Variants in NAA25 observed in about 807,000 individuals in gnomAD.
NAA25 encodes N-alpha-acetyltransferase 25, NatB auxiliary subunit, also known as N-terminal acetyltransferase B complex subunit NAA25.
A neutral mutation model predicts 132.5 loss-of-function variants in NAA25; 30 were observed. The observed-to-expected ratio is 0.23, with a 90% CI of 0.17 to 0.31. The LOEUF (loss-of-function observed/expected upper bound fraction) is 0.31. Among genes scored for constraint, NAA25 ranks in the 10% least tolerant of loss-of-function variants. The probability of loss-of-function intolerance (pLI) is 1.00; values close to 1 mark genes in which losing one functional copy is unlikely to be tolerated. For synonymous variants in NAA25, 359 were observed against 401.9 expected (o/e 0.89, Z 1.28); for missense variants, 771 against 1,150.4 (o/e 0.67, Z 4.77).
chr12:112,033,744 A>G (rs1464770921), intron 22 of NAA25: 2 of 154,750 alleles, frequency 1.3e-5, no homozygotes, highest in African/African-American at 4.8e-5. Context: ...ATATTACTAC[A>G]TTGACAAAAA....
intron 7 of NAA25, among the ~76,000 whole-genome samples, chr12:112,077,735 C>T (rs963875844): frequency 6.6e-6 from 1 of 151,912 alleles, no homozygotes; most frequent in African/African-American, 2.4e-5. Flanking sequence ...GGAATGTTTG[C>T]GGTATCTACA....
At position 112,040,565 on chromosome 12, in the gene NAA25, T is replaced by C; in HGVS notation, c.2454A>G (p.Lys818=). 1.3e-6 allele frequency: 2 copies of C among 1,588,934 alleles called. No homozygotes were observed. Among genetic ancestry groups the C allele is most frequent in the South Asian group, 1.1e-5 (1 of 88,326 alleles). Residue 818 remains lysine, a synonymous_variant, in exon 21 of 24, where the codon AAA becomes AAG. Transcript: ENST00000261745. The part of the protein sequence containing the change: ...LLDQLKDVFS[K]CKGDLLEVKD... ...TAACTTCTAAGAGGTCACCTTTACATTTACTGAAGACATCTGAAAACAAAA... is the reference window on the plus strand; with the variant it reads ...TAACTTCTAAGAGGTCACCTTTACACTTACTGAAGACATCTGAAAACAAAA...
intron 5 of NAA25, among the ~76,000 whole-genome samples, chr12:112,080,525 A>T (rs1436651674): frequency 2.0e-5 from 3 of 151,662 alleles, no homozygotes; most frequent in African/African-American, 7.3e-5. Context: ...TTTTTGAGAC[A>T]GAGTCTCGCT....
At chr12:112,101,973 TCTC>T (rs1389370426) in intron 1 of NAA25, among the ~76,000 whole-genome samples, 2 of 151,178 alleles carry the variant, frequency 1.3e-5, no homozygotes, top group African/African-American at 4.9e-5. Flanking sequence ...TTCAAGCTAT[TCTC>T]CTGCCTCAGC....
intron 14 of NAA25, 40 bp downstream of exon 14, chr12:112,054,348 T>TA (rs2078513055): frequency 6.3e-7 from 1 of 1,575,354 alleles, no homozygotes; most frequent in African/African-American, 1.3e-5. Context: ...CCCACACTGG[T>TA]ATAGCTGGCT....
chr12:112,078,273 GA>G lies in NAA25; in HGVS notation c.586-8del. On this transcript the variant is annotated splice_region_variant and splice_polypyrimidine_tract_variant and intron_variant, in intron 6 of 23. Coordinates refer to ENST00000261745, the MANE Select transcript of NAA25 (RefSeq NM_024953.4). ...TCATATAATAAAGTTCAACCTTACA[GA>G]AAAAAAACAAGAAGTGCAACCTCTG... 6 of 1,591,992 alleles carry G rather than the reference GA, an allele frequency of 3.8e-6. No homozygotes were observed. Among genetic ancestry groups the G allele is most frequent in the Admixed American group, 1.8e-5 (1 of 56,390 alleles).
In NAA25 at chr12:112,090,840, T is replaced by G; in HGVS notation, c.169A>C (p.Arg57=). 1 of 1,609,554 alleles carries G rather than the reference T, an allele frequency of 6.2e-7. No individual in the cohort carries two copies. The highest frequency in any genetic ancestry group is 8.5e-7 in the Non-Finnish European group (1 of 1,178,842). ...AKVLKAIGLQ[R]TGKQEEAFTL... Reference sequence around the variant, plus strand: ...AAGGCTTCCTCTTGCTTTCCAGTTCTCTGTAAACCAATTGCCTTTAAAACC... The same window carrying G: ...AAGGCTTCCTCTTGCTTTCCAGTTCGCTGTAAACCAATTGCCTTTAAAACC... The change falls in exon 3 of 24, where the codon AGA becomes CGA. Residue 57 remains arginine (R), a synonymous_variant. Coordinates refer to ENST00000261745, the MANE Select transcript of NAA25 (RefSeq NM_024953.4).
chr12:112,080,303 C>T (rs1488022840), intron 5 of NAA25, among the ~76,000 whole-genome samples: 2 of 147,500 alleles, frequency 1.4e-5, no homozygotes, highest in Admixed American at 6.8e-5. Context: ...AAAAAAAACC[C>T]AAAAAACTCA....
chr12:112,097,399 A>C (rs925466847), intron 1 of NAA25: 1 of 152,040 alleles, frequency 6.6e-6, no homozygotes, highest in Non-Finnish European at 1.5e-5. Flanking sequence ...TGAGGTCAGG[A>C]GATCGAGACC....
At chr12:112,107,694 C>A (rs1399644230) in intron 1 of NAA25, among the ~76,000 whole-genome samples, 1 of 152,126 alleles carries the variant, frequency 6.6e-6, no homozygotes, top group African/African-American at 2.4e-5. Flanking sequence ...AATTTAGTAA[C>A]ATCCACATGA....
At chr12:112,095,716 GA>G (rs1566033989) in intron 1 of NAA25, among the ~76,000 whole-genome samples, 1 of 151,164 alleles carries the variant, frequency 6.6e-6, no homozygotes, top group Non-Finnish European at 1.5e-5. Context: ...ATTGCTAAGG[GA>G]AAAAAACCCA....
chr12:112,080,278 C>CAAAA (rs762037242), intron 5 of NAA25, among the ~76,000 whole-genome samples: 2 of 51,168 alleles, frequency 3.9e-5, no homozygotes, highest in Admixed American at 1.9e-4. Flanking sequence ...GACTCTGTCT[C>CAAAA]AAAAAAAAAA....
chr12:112,078,676 G>A lies in NAA25; in HGVS notation c.543C>T (p.Val181=), dbSNP rs146093377. 6 of 1,613,248 alleles carry A rather than the reference G, an allele frequency of 3.7e-6. No homozygotes were observed. Among genetic ancestry groups the A allele is most frequent in the South Asian group, 3.3e-5 (3 of 90,976 alleles). ...TCTTGTCCTCTTTCACCATTTTTTC[G>A]ACCATTCTCTCAGCAAGGGGCAGAA... ...TMFLPLAERM[V]EKMVKEDKIE... is the part of the protein sequence containing the mutation. The change falls in exon 6 of 24, where the codon GTC becomes GTT. Residue 181 remains valine (V), a synonymous_variant. Transcript: ENST00000261745.
Position 112,060,358 on chromosome 12 carries a change from C to G in NAA25, c.1359G>C (p.Gly453=). 1.2e-6 allele frequency: 2 copies of G among 1,602,120 alleles called. No individual in the cohort carries two copies. Among genetic ancestry groups the G allele is most frequent in the Non-Finnish European group, 1.7e-6 (2 of 1,169,494 alleles). ...MLRYQHGLEF[G]KTCLKTELQF... is the part of the protein sequence containing the mutation. ...GCAATTCTGTTTTCAAACAGGTTTT[C>G]CCTATGGGGGAAAAAAATCATATCT... is the stretch of plus-strand genomic sequence containing the variant. Residue 453 remains glycine, a splice_region_variant and synonymous_variant, in exon 13 of 24, where the codon GGG becomes GGC. Transcript: ENST00000261745.
intron 9 of NAA25, 118 bp from the exon 10 acceptor site, chr12:112,072,182 A>G: frequency 4.2e-6 from 3 of 718,566 alleles, no homozygotes; most frequent in Non-Finnish European, 6.6e-6. Flanking sequence ...AAAATAATAG[A>G]AAAAGGAATA....
At position 112,028,892 on chromosome 12, in the gene NAA25, G is replaced by T. The variant is rs1179630561; in HGVS notation, c.*639C>A. 1 of 152,214 alleles carries T rather than the reference G, an allele frequency of 6.6e-6. No homozygotes were observed. The highest frequency in any genetic ancestry group is 1.5e-5 in the Non-Finnish European group (1 of 68,070). The allele number at this position is 152,214 out of a possible 1,614,324, so 9.4% of individuals were successfully genotyped here. The stretch of plus-strand genomic sequence containing the variant: ...CTCTCACAGAAGCTAGGATGGGGAT[G>T]TCTTAACTATCAGACAAAAACTAGC... On this transcript the variant is annotated 3_prime_UTR_variant, in exon 24 of 24. Transcript: ENST00000261745.
chr12:112,045,880 T>TA (rs752724296), intron 17 of NAA25, among the ~76,000 whole-genome samples: 9 of 148,126 alleles, frequency 6.1e-5, no homozygotes, highest in Non-Finnish European at 9.0e-5. Flanking sequence ...AGGCTCCATC[T>TA]AAAAAAAAAA....
At chr12:112,085,874 C>T (rs111462063) in intron 4 of NAA25, among the ~76,000 whole-genome samples, 18,929 of 148,984 alleles carry the variant, frequency 0.13, 1,831 homozygotes, top group African/African-American at 0.27. Flanking sequence ...AAAAATTAGC[C>T]GGGTGTGGTG....
chr12:112,027,658 GTCGATAGACTTTTTCAAAGAGCATT>G lies in NAA25; in HGVS notation c.*1848_*1872del. 6.6e-6 allele frequency: 1 copy of G among 152,246 alleles called. No individual in the cohort carries two copies. Among genetic ancestry groups the G allele is most frequent in the Non-Finnish European group, 1.5e-5 (1 of 68,048 alleles). 9.4% of individuals were successfully genotyped at this position (152,246 alleles called of 1,614,324 possible). ...ACATATGCTAGATTGATCATGGTCA[GTCGATAGACTTTTTCAAAGAGCATT>G]TCTACAGTACAGTACTTTTTTGGAT... On this transcript the variant is annotated 3_prime_UTR_variant, in exon 24 of 24. Transcript: ENST00000261745.
Sources: allele counts gnomAD v4.1 joint callset (sites outside exome capture counted in the v4.1 genomes callset), GRCh38; gene constraint gnomAD v4.1.1; transcripts MANE v1.5; gene names NCBI Gene and HGNC (gene_info 2026-07-23, HGNC 2026-07-21).